Variants in CASP9 observed in about 807,000 individuals in gnomAD.
CASP9 encodes caspase-9.
CASP9 carries 29 observed loss-of-function variants against 43.5 expected under a neutral mutation model. The ratio of observed to expected loss-of-function variants is 0.67; its 90% confidence interval spans 0.50 to 0.91. CASP9 has a LOEUF of 0.91. Among genes scored for constraint, CASP9 ranks in the 40% least tolerant of loss-of-function variants. CASP9 has a pLI of 0.00. For synonymous variants in CASP9, 206 were observed against 211.9 expected (o/e 0.97, Z 0.24); for missense variants, 575 against 537.4 (o/e 1.07, Z -0.69).
chr1:15,504,110 G>C (rs572216164), intron 6 of CASP9, among the ~76,000 whole-genome samples: 1 of 152,194 alleles, frequency 6.6e-6, no homozygotes, highest in Admixed American at 6.5e-5. Context: ...GCCTCCCAAA[G>C]TGTTGGGCAT....
In CASP9 at chr1:15,502,975, C is replaced by T. The variant is rs190847322; in HGVS notation, c.868+1636G>A. ...CCTGAGGGAACTCTGCTGGCGACAG[C>T]GGGGTGGGGGACTCTTATGTGACAC... On this transcript the variant is annotated intron_variant, in intron 6 of 8. Coordinates refer to ENST00000333868, the MANE Select transcript of CASP9 (RefSeq NM_001229.5). Among the ~76,000 whole-genome samples the T allele has an allele frequency of 2.3e-4, 35 of 151,922 alleles. No individual in the cohort carries two copies. The East Asian group carries it at 3.1e-3, about 13-fold the overall frequency.
At chr1:15,519,477 C>T (rs1014213139) in intron 1 of CASP9, among the ~76,000 whole-genome samples, 7 of 152,116 alleles carry the variant, frequency 4.6e-5, no homozygotes, top group Non-Finnish European at 7.3e-5. Flanking sequence ...CTACCATGCC[C>T]GGCCACCAAA....
At chr1:15,497,445 C>G (rs1709147173) in intron 6 of CASP9, among the ~76,000 whole-genome samples, 1 of 151,838 alleles carries the variant, frequency 6.6e-6, no homozygotes, top group African/African-American at 2.4e-5. Flanking sequence ...GAGATTGAGA[C>G]CATCCTAGCC....
chr1:15,521,010 AGCC>A (rs1341452745), intron 1 of CASP9, among the ~76,000 whole-genome samples: 1 of 152,052 alleles, frequency 6.6e-6, no homozygotes, highest in East Asian at 1.9e-4. Flanking sequence ...ACAAAAAATT[AGCC>A]GGGCGTGGTG....
chr1:15,497,457 A>G (rs1333600155), intron 6 of CASP9, among the ~76,000 whole-genome samples: 1 of 152,100 alleles, frequency 6.6e-6, no homozygotes, highest in Non-Finnish European at 1.5e-5. Flanking sequence ...ATCCTAGCCA[A>G]CATGGTGAAA....
At position 15,498,661 on chromosome 1, in the gene CASP9, A is replaced by G. The variant is rs542181606; in HGVS notation, c.869-3209T>C. ...CAACCAAGGGAAGAAATGTGTCTGG[A>G]GTCTCTATTCCTGACTTCTGTCTTG... On this transcript the variant is annotated intron_variant, in intron 6 of 8. Transcript: ENST00000333868. Among the ~76,000 whole-genome samples, 9 of 150,858 alleles carry G rather than the reference A, an allele frequency of 6.0e-5. No homozygotes were observed. The South Asian group carries it at 1.9e-3, about 32-fold the overall frequency.
chr1:15,518,977 C>A (rs867898256), intron 1 of CASP9, among the ~76,000 whole-genome samples: 1 of 151,452 alleles, frequency 6.6e-6, no homozygotes, highest in Non-Finnish European at 1.5e-5. Context: ...AAGGTTCAAG[C>A]GATTATCCTG....
chr1:15,507,347 C>T (rs140715656), intron 3 of CASP9, among the ~76,000 whole-genome samples: 15 of 152,280 alleles, frequency 9.9e-5, no homozygotes, highest in East Asian at 1.9e-4. Flanking sequence ...TCACCTAGGC[C>T]GGGGTGTACC....
intron 4 of CASP9, 28 bp downstream of exon 4, chr1:15,506,871 T>C: frequency 6.7e-6 from 6 of 894,842 alleles, no homozygotes; most frequent in Non-Finnish European, 1.0e-5. Flanking sequence ...CCCCCCACCC[T>C]GTCTCCCTCC....
intron 4 of CASP9, 42 bp downstream of exon 4, chr1:15,506,857 A>C: frequency 1.1e-4 from 138 of 1,238,104 alleles, no homozygotes; most frequent in Non-Finnish European, 1.6e-4. Context: ...TTCCCCACCC[A>C]CTGCCCCCCA....
chr1:15,508,453 C>T (rs1400144290), intron 2 of CASP9, among the ~76,000 whole-genome samples: 1 of 151,990 alleles, frequency 6.6e-6, no homozygotes. Flanking sequence ...ACTCTTGTCG[C>T]CCAGGCAGGA....
At chr1:15,510,368 C>T (rs566009644) in intron 2 of CASP9, among the ~76,000 whole-genome samples, 1 of 152,306 alleles carries the variant, frequency 6.6e-6, no homozygotes, top group African/African-American at 2.4e-5. Context: ...AAGGCCACAG[C>T]AGAAAAGCAC....
chr1:15,516,901 C>A (rs975996477), intron 2 of CASP9, among the ~76,000 whole-genome samples: 1 of 152,220 alleles, frequency 6.6e-6, no homozygotes, highest in Non-Finnish European at 1.5e-5. Flanking sequence ...TCCTCACTAG[C>A]TGTGTGATTT....
chr1:15,521,156 C>CAAAAA (rs34870949), intron 1 of CASP9, among the ~76,000 whole-genome samples: 1 of 81,226 alleles, frequency 1.2e-5, no homozygotes, highest in Non-Finnish European at 2.4e-5. Context: ...GACTCCGTCT[C>CAAAAA]AAAAAAAAAA....
At chr1:15,511,112 A>G (rs185463437) in intron 2 of CASP9, among the ~76,000 whole-genome samples, 2 of 152,168 alleles carry the variant, frequency 1.3e-5, no homozygotes, top group Non-Finnish European at 2.9e-5. Flanking sequence ...GGAGGCGAGA[A>G]AAAAAAACAG....
chr1:15,504,533 G>C (rs1709443978), intron 6 of CASP9, 78 bp downstream of exon 6: 1 of 1,470,270 alleles, frequency 6.8e-7, no homozygotes, highest in Non-Finnish European at 9.2e-7. Context: ...GCCCTGTGAG[G>C]GGCAGGCTGG....
chr1:15,518,032 C>A, intron 2 of CASP9, 78 bp downstream of exon 2: 1 of 1,462,236 alleles, frequency 6.8e-7, no homozygotes, highest in South Asian at 1.2e-5. Context: ...TGAATCTCAG[C>A]CCACCCAGCT....
At chr1:15,501,566 C>G (rs1709330220) in intron 6 of CASP9, among the ~76,000 whole-genome samples, 2 of 152,194 alleles carry the variant, frequency 1.3e-5, no homozygotes, top group South Asian at 4.1e-4. Flanking sequence ...CTTTCTATTT[C>G]TGCTCTCAGC....
chr1:15,520,884 G>A (rs1028280182), intron 1 of CASP9, among the ~76,000 whole-genome samples: 9 of 152,110 alleles, frequency 5.9e-5, no homozygotes, highest in Non-Finnish European at 8.8e-5. Context: ...CTGGCTGGGC[G>A]CGGTGGCTCA....
Sources: gnomAD v4.1 joint callset for allele counts (sites outside exome capture counted in the v4.1 genomes callset) on GRCh38, gnomAD v4.1.1 for gene constraint, MANE v1.5 for transcripts, NCBI Gene and HGNC (gene_info 2026-07-23, HGNC 2026-07-21) for gene names.